The following MYNN variants were observed in gnomAD, a reference collection of about 807,000 sequenced individuals.
MYNN encodes the protein myoneurin, also known as zinc finger and BTB domain-containing protein 31.
In MYNN, 22 loss-of-function variants were observed where a neutral mutation model predicts 57.2. The observed-to-expected ratio is 0.38, with a 90% CI of 0.27 to 0.55. The LOEUF is 0.55. Among genes scored for constraint, MYNN ranks in the 20% least tolerant of loss-of-function variants. The pLI is 0.71. For missense variants in MYNN, 566 were observed against 723.1 expected, an observed-to-expected ratio of 0.78 and a Z score of 2.49; for synonymous variants, 241 against 257.1, an observed-to-expected ratio of 0.94 and a Z score of 0.60.
At chr3:169,773,629 G>C (rs1031639289) in intron 1 of MYNN, among the ~76,000 whole-genome samples, 167 bp downstream of exon 1, 1 of 152,208 alleles carries the variant, frequency 6.6e-6, no homozygotes. Flanking sequence ...GGAAATTCGC[G>C]GGAGTGGGAG....
intron 2 of MYNN, among the ~76,000 whole-genome samples, chr3:169,775,988 A>T (rs1778328098): frequency 1.3e-5 from 2 of 152,182 alleles, no homozygotes; most frequent in Non-Finnish European, 2.9e-5. Context: ...TTTTGGAATT[A>T]TTTTTAAATT....
Position 169,779,408 on chromosome 3 carries a change from A to G in MYNN, c.907A>G (p.Met303Val), listed in dbSNP as rs545176834. ...LDQRYSKAKPMCNTCGKVFSE... is the reference protein window; with the variant it reads ...LDQRYSKAKPVCNTCGKVFSE... ...TCAGAGGTATTCCAAGGCCAAGCCA[A>G]TGTGTAACACATGTGGGAAAGTGTT... Residue 303 changes from methionine (M) to valine (V), a missense_variant, in exon 3 of 8, where the codon ATG becomes GTG. Physicochemically the swap from Met to Val is conservative, Grantham distance 21. Transcript: ENST00000349841. The G allele has an allele frequency of 6.2e-7, 1 of 1,614,220 alleles. No individual in the cohort carries two copies. Among genetic ancestry groups the G allele is most frequent in the African/African-American group, 1.3e-5 (1 of 75,064 alleles).
intron 2 of MYNN, 78 bp from the exon 3 acceptor site, chr3:169,778,690 A>C (rs1778421106): frequency 1.8e-6 from 2 of 1,094,522 alleles, no homozygotes; most frequent in African/African-American, 3.1e-5. Context: ...TTTAAAATAC[A>C]TTGAAGTATA....
At position 169,778,872 on chromosome 3, in the gene MYNN, C is replaced by T; in HGVS notation, c.371C>T (p.Pro124Leu). The T allele has an allele frequency of 6.2e-7, 1 of 1,613,722 alleles. No homozygotes were observed. Among genetic ancestry groups the T allele is most frequent in the Non-Finnish European group, 8.5e-7 (1 of 1,179,848 alleles). Residue 124 changes from proline to leucine, a missense_variant, in exon 3 of 8, where the codon CCT becomes CTT. Physicochemically the swap from Pro to Leu is moderately conservative, Grantham distance 98. This residue lies in a region of MYNN where 261 missense variants were observed against 280.8 expected (regional missense o/e 0.93). Transcript: ENST00000349841. ...GAAGATTTTGCTTTTATTGCTAATC[C>T]TTCTTCTACAGAGATATCTAGTATT... is the stretch of plus-strand genomic sequence containing the variant. ...KMEDFAFIAN[P>L]SSTEISSITG...
rs891123801 is a variant in MYNN, at chr3:169,786,809, C to T, written c.*131C>T. On this transcript the variant is annotated 3_prime_UTR_variant, in exon 8 of 8. Coordinates refer to ENST00000349841, the MANE Select transcript of MYNN (RefSeq NM_018657.5). ...TTTTTCATTCACTGAAGTAAAAGCA[C>T]CTGATGCTGCATCACAACTGCAATG... is the stretch of plus-strand genomic sequence containing the variant. 1 of 875,958 alleles carries T rather than the reference C, an allele frequency of 1.1e-6. No individual in the cohort carries two copies. The allele number at this position is 875,958 out of a possible 1,614,324, so 54.3% of individuals were successfully genotyped here.
intron 6 of MYNN, chr3:169,783,775 TC>T (rs1778590352): frequency 1.6e-6 from 1 of 615,422 alleles, no homozygotes; most frequent in East Asian, 3.3e-5. Flanking sequence ...GTGTTGGTTT[TC>T]CAAGAAATAT....
chr3:169,780,800 T>C (rs1311617919), intron 4 of MYNN, 51 bp downstream of exon 4: 1 of 1,403,022 alleles, frequency 7.1e-7, no homozygotes, highest in Admixed American at 2.3e-5. Flanking sequence ...ATCACCATAG[T>C]CTTATGAATA....
chr3:169,781,540 A>C (rs1778516796), intron 4 of MYNN, among the ~76,000 whole-genome samples: 1 of 152,184 alleles, frequency 6.6e-6, no homozygotes, highest in South Asian at 2.1e-4. Context: ...AAGAAATCAA[A>C]AGACGGCCCT....
At chr3:169,776,917 G>A (rs1693028810) in intron 2 of MYNN, among the ~76,000 whole-genome samples, 1 of 152,056 alleles carries the variant, frequency 6.6e-6, no homozygotes, top group African/African-American at 2.4e-5. Flanking sequence ...GGCCAGGCTG[G>A]TCTTGAACTC....
chr3:169,787,169 A>G lies in MYNN; in HGVS notation c.*491A>G, dbSNP rs1778700020. On this transcript the variant is annotated 3_prime_UTR_variant, in exon 8 of 8. Coordinates refer to ENST00000349841, the MANE Select transcript of MYNN (RefSeq NM_018657.5). ...AAATTTCATATTTTCGCTCGTAAAA[A>G]TTTAGGCGCTGAATAAGAATTGTGC... 6.5e-6 allele frequency: 1 copy of G among 152,904 alleles called. No individual in the cohort carries two copies. Among genetic ancestry groups the G allele is most frequent in the Non-Finnish European group, 1.5e-5 (1 of 68,254 alleles). 9.5% of individuals were successfully genotyped at this position (152,904 alleles called of 1,614,324 possible). A position where few individuals can be genotyped will look rare whatever the true frequency, so the allele number is the denominator to read the frequency against.
Position 169,774,517 on chromosome 3 carries a change from G to C in MYNN, c.222G>C (p.Gln74His). Reference protein sequence around the residue: ...DQSQVKADGFQKLLEFIYTGT... With the variant: ...DQSQVKADGFHKLLEFIYTGT... The stretch of plus-strand genomic sequence containing the variant: ...GTCAGGTGAAGGCTGATGGATTTCA[G>C]AAACTGTTGGAGTTTATATACACAG... The change falls in exon 2 of 8, where the codon CAG (glutamine) becomes CAC (histidine). Residue 74 changes from glutamine (Q) to histidine (H), a missense_variant. Coordinates refer to ENST00000349841, the MANE Select transcript of MYNN (RefSeq NM_018657.5). The C allele has an allele frequency of 6.2e-7, 1 of 1,614,040 alleles. No individual in the cohort carries two copies. The highest frequency in any genetic ancestry group is 1.6e-4 in the Middle Eastern group (1 of 6,062).
rs1778482035 is a variant in MYNN, at chr3:169,780,611, A to T, written c.1082A>T (p.Glu361Val). The change falls in exon 4 of 8, where the codon GAA becomes GTA. Residue 361 changes from glutamate (E) to valine (V), a missense_variant. Coordinates refer to ENST00000349841, the MANE Select transcript of MYNN (RefSeq NM_018657.5). Reference protein sequence around the residue: ...THTGEKPYKCELCDKGFAQKC... With the variant: ...THTGEKPYKCVLCDKGFAQKC... ...TTAGGTGAGAAGCCATACAAATGTGAATTGTGTGATAAAGGATTTGCTCAG... is the reference window on the plus strand; with the variant it reads ...TTAGGTGAGAAGCCATACAAATGTGTATTGTGTGATAAAGGATTTGCTCAG... 1 of 1,606,300 alleles carries T rather than the reference A, an allele frequency of 6.2e-7. No homozygotes were observed. The highest frequency in any genetic ancestry group is 8.5e-7 in the Non-Finnish European group (1 of 1,177,822).
rs1183834961 is a variant in MYNN, at chr3:169,789,381, A to G, written c.*2703A>G. On this transcript the variant is annotated 3_prime_UTR_variant, in exon 8 of 8. Transcript: ENST00000349841. ...GTATTCTAAATAGTTCTAACATTTA[A>G]TGCATATCAGAAACATGCTTAAGAA... is the stretch of plus-strand genomic sequence containing the variant. 6.6e-6 allele frequency: 1 copy of G among 152,180 alleles called. No homozygotes were observed. The highest frequency in any genetic ancestry group is 1.5e-5 in the Non-Finnish European group (1 of 68,032). The allele number at this position is 152,180 out of a possible 1,614,324, so 9.4% of individuals were successfully genotyped here. A position where few individuals can be genotyped will look rare whatever the true frequency, so the allele number is the denominator to read the frequency against.
At chr3:169,781,708 T>G (rs376949029) in intron 4 of MYNN, among the ~76,000 whole-genome samples, 1 of 152,132 alleles carries the variant, frequency 6.6e-6, no homozygotes, top group Admixed American at 6.5e-5. Context: ...ATTGTAAAAT[T>G]CTGTGATAGG....
At chr3:169,780,340 G>A (rs1240869407) in intron 3 of MYNN, 3 of 294,200 alleles carry the variant, frequency 1.0e-5, no homozygotes, top group Non-Finnish European at 1.9e-5. Context: ...TTATAGGCGT[G>A]AGCCACCGAG....
At chr3:169,783,898 GTT>G (rs1280887389) in intron 6 of MYNN, 1 of 282,294 alleles carries the variant, frequency 3.5e-6, no homozygotes, top group African/African-American at 2.3e-5. Flanking sequence ...ACTAAACAGT[GTT>G]TAGTATGCAA....
intron 2 of MYNN, among the ~76,000 whole-genome samples, chr3:169,775,138 G>T (rs1778296392): frequency 6.6e-6 from 1 of 152,026 alleles, no homozygotes; most frequent in South Asian, 2.1e-4. Flanking sequence ...CCCTCATTCT[G>T]ACTCCTGTTA....
Position 169,778,981 on chromosome 3 carries a change from A to T in MYNN, c.480A>T (p.Thr160=). 1 of 1,613,822 alleles carries T rather than the reference A, an allele frequency of 6.2e-7. No individual in the cohort carries two copies. The highest frequency in any genetic ancestry group is 2.2e-5 in the East Asian group (1 of 44,888). Residue 160 remains threonine (T), a synonymous_variant, in exon 3 of 8, where the codon ACA becomes ACT. Transcript: ENST00000349841. ...ATCGAGAGAAATCAGAAGTATCTACAGATTTGATTCAGGCAAATCCTAAAC... is the reference window on the plus strand; with the variant it reads ...ATCGAGAGAAATCAGAAGTATCTACTGATTTGATTCAGGCAAATCCTAAAC... ...YNNREKSEVS[T]DLIQANPKQG...
chr3:169,779,135 T>C lies in MYNN; in HGVS notation c.634T>C (p.Phe212Leu), dbSNP rs557417257. The C allele has an allele frequency of 1.2e-6, 2 of 1,614,164 alleles. No individual in the cohort carries two copies. Among genetic ancestry groups the C allele is most frequent in the Admixed American group, 3.3e-5 (2 of 60,028 alleles). Residue 212 changes from phenylalanine to leucine, a missense_variant, in exon 3 of 8, where the codon TTC becomes CTC. Physicochemically the swap from Phe to Leu is conservative, Grantham distance 22 (BLOSUM62 0). Transcript: ENST00000349841. ...CTTAGAGAATGCATCTGTTGAATTA[T>C]TCCTAGATGCAAATAAACTGCCCAC... ...DILENASVELFLDANKLPTPV... is the reference protein window; with the variant it reads ...DILENASVELLLDANKLPTPV...
Sources: gnomAD v4.1 joint callset for allele counts (sites outside exome capture counted in the v4.1 genomes callset) on GRCh38, gnomAD v4.1.1 for gene constraint, gnomAD v4.1.1 regional missense constraint, MANE v1.5 for transcripts, NCBI Gene and HGNC (gene_info 2026-07-23, HGNC 2026-07-21) for gene names.